Variants in SGF29 observed in about 807,000 individuals in gnomAD.
The protein encoded by SGF29 is SAGA complex associated factor 29, also known as SAGA-associated factor 29.
SGF29 carries 15 observed loss-of-function variants against 38.1 expected under a neutral mutation model. The observed-to-expected ratio is 0.39, with a 90% CI of 0.26 to 0.61. The LOEUF (loss-of-function observed/expected upper bound fraction) is 0.61. Ranked by LOEUF, SGF29 falls within the 20% of genes least tolerant of loss-of-function variation. The pLI, the probability that SGF29 is intolerant of heterozygous loss-of-function variation, is 0.49. For missense variants in SGF29, 184 were observed against 394.6 expected, an observed-to-expected ratio of 0.47 and a Z score of 4.52; for synonymous variants, 151 against 160.8, an observed-to-expected ratio of 0.94 and a Z score of 0.46.
At chr16:28,554,478 A>G (rs1277799544) in intron 1 of SGF29, among the ~76,000 whole-genome samples, 3 of 152,208 alleles carry the variant, frequency 2.0e-5, no homozygotes, top group Non-Finnish European at 4.4e-5. Flanking sequence ...TATGATTTGC[A>G]CAAAAATTTT....
intron 3 of SGF29, 112 bp downstream of exon 3, chr16:28,585,100 A>T (rs1174934301): frequency 6.5e-6 from 5 of 772,384 alleles, no homozygotes; most frequent in South Asian, 1.7e-5. Flanking sequence ...ATGTATCTGC[A>T]TATTCCAAAA....
At chr16:28,574,003 C>T (rs1286103642) in intron 1 of SGF29, among the ~76,000 whole-genome samples, 2 of 152,100 alleles carry the variant, frequency 1.3e-5, no homozygotes, top group Non-Finnish European at 2.9e-5. Flanking sequence ...ATGTGCAAGG[C>T]GGGCCATTGG....
rs184160462 is a variant in SGF29, at chr16:28,572,561, G to A, written c.-15-8494G>A. ...TGGTATTACAGGCGTGAGCCACTGC[G>A]CCCGGTAGAAGGCCAGTTTCTAAAG... On this transcript the variant is annotated intron_variant, in intron 1 of 9. Transcript: ENST00000317058. Among the ~76,000 whole-genome samples the A allele has an allele frequency of 7.8e-3, 1,183 of 152,302 alleles. 6 individuals are homozygous for A. Among genetic ancestry groups the A allele is most frequent in the Non-Finnish European group, 0.012 (783 of 68,016 alleles).
At chr16:28,576,021 GGC>G (rs1439273213) in intron 1 of SGF29, among the ~76,000 whole-genome samples, 2 of 152,192 alleles carry the variant, frequency 1.3e-5, no homozygotes, top group Non-Finnish European at 2.9e-5. Context: ...AGCATGTGTT[GGC>G]GCAAATGCAG....
chr16:28,590,255 G>A lies in SGF29; in HGVS notation c.419+30G>A, dbSNP rs1453754644. On this transcript the variant is annotated intron_variant, in intron 6 of 9. Transcript: ENST00000317058. This position sits in a 1 kb window ranked among gnomAD's most constrained non-coding sequence, Gnocchi z 8.2. ...GGGCAGCAGCTGCGAGGGAGGGGCT[G>A]GTGCCCAGGGGCTGGGACTGACCCT... 3 of 1,608,700 alleles carry A rather than the reference G, an allele frequency of 1.9e-6. No homozygotes were observed. Among genetic ancestry groups the A allele is most frequent in the East Asian group, 4.5e-5 (2 of 44,688 alleles).
rs916846040 is a variant in SGF29, at chr16:28,591,551, G to A, written c.766-39G>A. On this transcript the variant is annotated intron_variant, in intron 9 of 9. Transcript: ENST00000317058. ...GAAGGGGGTGCCTGTCCTGGCCTGGGGGTCTCTGAGCAGCCCCTCCTGTCT... is the reference window on the plus strand; with the variant it reads ...GAAGGGGGTGCCTGTCCTGGCCTGGAGGTCTCTGAGCAGCCCCTCCTGTCT... 8 of 1,450,724 alleles carry A rather than the reference G, an allele frequency of 5.5e-6. No individual in the cohort carries two copies. The African/African-American group carries it at 1.1e-4, about 20-fold the overall frequency. The allele number at this position is 1,450,724 out of a possible 1,614,324, so 89.9% of individuals were successfully genotyped here. A position where few individuals can be genotyped will look rare whatever the true frequency, so the allele number is the denominator to read the frequency against.
At chr16:28,585,055 G>T in intron 3 of SGF29, 67 bp downstream of exon 3, 1 of 1,207,178 alleles carries the variant, frequency 8.3e-7, no homozygotes, top group South Asian at 1.3e-5. Flanking sequence ...CCAAGACTGT[G>T]ACCGAGGTGG....
At chr16:28,561,031 A>G (rs1596595954) in intron 1 of SGF29, among the ~76,000 whole-genome samples, 2 of 152,282 alleles carry the variant, frequency 1.3e-5, no homozygotes, top group East Asian at 3.9e-4. Context: ...TCAACTGACA[A>G]GAATTCTAAA....
chr16:28,583,127 G>A (rs367728618), intron 2 of SGF29, among the ~76,000 whole-genome samples: 5 of 152,322 alleles, frequency 3.3e-5, no homozygotes, highest in Admixed American at 1.3e-4. Flanking sequence ...ACAGGGCTTC[G>A]CCCTTTCAGG....
chr16:28,564,175 G>C (rs2046806411), intron 1 of SGF29, among the ~76,000 whole-genome samples: 1 of 152,132 alleles, frequency 6.6e-6, no homozygotes, highest in African/African-American at 2.4e-5. Flanking sequence ...CAGCTGTGCA[G>C]CAATGCTGTT....
At chr16:28,573,948 C>G (rs2046879511) in intron 1 of SGF29, among the ~76,000 whole-genome samples, 3 of 152,176 alleles carry the variant, frequency 2.0e-5, no homozygotes, top group Admixed American at 2.0e-4. Flanking sequence ...TAAAGTAAAA[C>G]CCCCTGTCCA....
chr16:28,576,276 G>T (rs62034358), intron 1 of SGF29, among the ~76,000 whole-genome samples: 47,635 of 151,922 alleles, frequency 0.31, 8,237 homozygotes, highest in Non-Finnish European at 0.37. Flanking sequence ...GGAGGGAGAA[G>T]CGGGAAAGAT....
At position 28,585,635 on chromosome 16, in the gene SGF29, G is replaced by C. The variant is rs369823574; in HGVS notation, c.152-13G>C. 9.3e-6 allele frequency: 15 copies of C among 1,613,602 alleles called. No individual in the cohort carries two copies. In the African/African-American group the frequency reaches 1.9e-4, roughly 20 times the overall value. On this transcript the variant is annotated splice_polypyrimidine_tract_variant and intron_variant, in intron 3 of 9. Coordinates refer to ENST00000317058, the MANE Select transcript of SGF29 (RefSeq NM_138414.3). ...CCTGGCCCTGCCTCCTTATCCCTGT[G>C]TTTCCTCTGCAGTTTCTCCCTATTA...
chr16:28,589,450 G>T, intron 5 of SGF29: 1 of 400,654 alleles, frequency 2.5e-6, no homozygotes. Context: ...CCTCTGCCAT[G>T]GCCCATGCCC....
At chr16:28,589,666 G>A (rs772083767) in intron 5 of SGF29, among the ~76,000 whole-genome samples, 2 of 152,226 alleles carry the variant, frequency 1.3e-5, no homozygotes, top group Admixed American at 6.5e-5. Context: ...TGTGCCTGAG[G>A]AGGTTGAAGG....
chr16:28,565,003 C>T (rs1463378108), intron 1 of SGF29, among the ~76,000 whole-genome samples: 3 of 151,584 alleles, frequency 2.0e-5, no homozygotes, highest in Non-Finnish European at 4.4e-5. Context: ...CCTGAGAGCC[C>T]CTGAGAGGTG....
chr16:28,578,488 AT>A (rs1332137130), intron 1 of SGF29, among the ~76,000 whole-genome samples: 3 of 152,088 alleles, frequency 2.0e-5, no homozygotes, highest in African/African-American at 7.2e-5. Context: ...GATGCCCTTC[AT>A]CAGGTTGAGG....
chr16:28,555,704 A>G (rs893380633), intron 1 of SGF29, among the ~76,000 whole-genome samples: 6 of 152,206 alleles, frequency 3.9e-5, no homozygotes, highest in Admixed American at 2.6e-4. Context: ...AAAGTGTTTC[A>G]CCAGCTATCT....
intron 4 of SGF29, among the ~76,000 whole-genome samples, chr16:28,588,437 G>C (rs1374565947): frequency 6.6e-6 from 1 of 152,218 alleles, no homozygotes; most frequent in Non-Finnish European, 1.5e-5. Flanking sequence ...TGCAGGGTTT[G>C]CCGAAGGCAG....
Sources: allele counts gnomAD v4.1 joint callset (sites outside exome capture counted in the v4.1 genomes callset), GRCh38; gene constraint gnomAD v4.1.1; non-coding constraint Gnocchi (gnomAD v3.1); transcripts MANE v1.5; gene names NCBI Gene and HGNC (gene_info 2026-07-23, HGNC 2026-07-21).